Variants in MTCL2 observed in about 807,000 individuals in gnomAD.
MTCL2 encodes microtubule crosslinking factor 2, also known as microtubule cross-linking factor 2.
the MTCL2 span, among the ~76,000 whole-genome samples, chr20:36,790,181 C>T: frequency 6.6e-3 from 987 of 149,862 alleles, 11 homozygotes; most frequent in South Asian, 0.013. Context: ...TTAGTAGAGA[C>T]GGGGTTTCAC....
chr20:36,825,475 T>C, the MTCL2 span, among the ~76,000 whole-genome samples: 1 of 152,224 alleles, frequency 6.6e-6, no homozygotes, highest in African/African-American at 2.4e-5. Context: ...AACACTCGTA[T>C]TGGCTTTCTG....
chr20:36,839,132 C>T, the MTCL2 span: 333 of 1,319,722 alleles, frequency 2.5e-4, 1 homozygote, highest in Non-Finnish European at 3.2e-4. The surrounding 1 kb of genome is among the most constrained non-coding windows in gnomAD (Gnocchi z 5.1). Flanking sequence ...CATGGACACA[C>T]GGAAATGAGA....
chr20:36,857,074 G>A, the MTCL2 span, among the ~76,000 whole-genome samples: 1 of 152,232 alleles, frequency 6.6e-6, no homozygotes, highest in Non-Finnish European at 1.5e-5. Flanking sequence ...AGGTACCCGG[G>A]TGGTGAGCTT....
the MTCL2 span, among the ~76,000 whole-genome samples, chr20:36,814,607 C>A: frequency 6.6e-6 from 1 of 152,050 alleles, no homozygotes; most frequent in Admixed American, 6.6e-5. Flanking sequence ...AAAATTATGG[C>A]CAGGCACAGT....
At chr20:36,783,897 C>G in the MTCL2 span, 3 of 985,448 alleles carry the variant, frequency 3.0e-6, no homozygotes, top group Non-Finnish European at 3.6e-6. Flanking sequence ...GTAACATTTT[C>G]AACCCCATCC....
chr20:36,814,400 G>A, the MTCL2 span, among the ~76,000 whole-genome samples: 1 of 152,152 alleles, frequency 6.6e-6, no homozygotes, highest in African/African-American at 2.4e-5. Context: ...AAGCTGCAAG[G>A]ATGAAATATT....
chr20:36,817,587 G>T, the MTCL2 span: 2 of 905,904 alleles, frequency 2.2e-6, no homozygotes, highest in Non-Finnish European at 3.3e-6. Context: ...CAGTCCCCAG[G>T]CCACCCCACC....
the MTCL2 span, chr20:36,839,376 C>T: frequency 1.2e-6 from 2 of 1,613,400 alleles, no homozygotes; most frequent in African/African-American, 1.3e-5. This position sits in a 1 kb window ranked among gnomAD's most constrained non-coding sequence, Gnocchi z 5.1. Context: ...GCAGCTGATA[C>T]ACGTCCTCCT....
At chr20:36,827,687 G>A in the MTCL2 span, among the ~76,000 whole-genome samples, 4 of 152,252 alleles carry the variant, frequency 2.6e-5, no homozygotes, top group South Asian at 6.2e-4. Context: ...CTGAGACTTA[G>A]AGAGGGGAAG....
At chr20:36,859,513 C>G in the MTCL2 span, 3 of 1,043,660 alleles carry the variant, frequency 2.9e-6, no homozygotes, top group Middle Eastern at 3.5e-4. Context: ...CTATCTTTAT[C>G]CAAGCATGCA....
At chr20:36,797,370 C>A in the MTCL2 span, 2 of 875,812 alleles carry the variant, frequency 2.3e-6, no homozygotes. Context: ...GACTCCAGGG[C>A]TGAGGAGCCC....
At chr20:36,826,781 C>T in the MTCL2 span, among the ~76,000 whole-genome samples, 2 of 152,108 alleles carry the variant, frequency 1.3e-5, no homozygotes, top group African/African-American at 4.8e-5. Context: ...TACCCTCTGG[C>T]TATTGTGAGT....
chr20:36,802,897 C>G, the MTCL2 span: 6 of 1,574,798 alleles, frequency 3.8e-6, no homozygotes, highest in African/African-American at 6.8e-5. Flanking sequence ...TGCTGCTCCA[C>G]CTGCTGCTTC....
chr20:36,792,893 C>T, the MTCL2 span, among the ~76,000 whole-genome samples: 632 of 148,582 alleles, frequency 4.3e-3, 7 homozygotes, highest in African/African-American at 0.015. Context: ...GACAGACAGA[C>T]AGACAGATAG....
the MTCL2 span, chr20:36,817,428 G>A: frequency 7.0e-5 from 111 of 1,592,836 alleles, 1 homozygote; most frequent in East Asian, 3.8e-4. Flanking sequence ...TCTTCTTATC[G>A]GCCTTCCCCA....
the MTCL2 span, among the ~76,000 whole-genome samples, chr20:36,819,167 T>G: frequency 6.6e-6 from 1 of 152,240 alleles, no homozygotes; most frequent in African/African-American, 2.4e-5. Flanking sequence ...TACTGAAATT[T>G]CTCAATGTTT....
the MTCL2 span, among the ~76,000 whole-genome samples, chr20:36,846,980 A>G: frequency 6.6e-6 from 1 of 152,256 alleles, no homozygotes; most frequent in Non-Finnish European, 1.5e-5. Context: ...AATGCACTCC[A>G]GCCTGGGCGA....
the MTCL2 span, among the ~76,000 whole-genome samples, chr20:36,823,046 A>C: frequency 6.6e-6 from 1 of 152,368 alleles, no homozygotes; most frequent in South Asian, 2.1e-4. Flanking sequence ...GGCGTGAGCC[A>C]CTGTGCCCGG....
chr20:36,783,357 C>A, the MTCL2 span: 2 of 152,322 alleles, frequency 1.3e-5, no homozygotes, highest in East Asian at 3.9e-4. Context: ...ATGAAGTCAT[C>A]ATTCCAAAAG....
Sources: allele counts gnomAD v4.1 joint callset (sites outside exome capture counted in the v4.1 genomes callset), GRCh38; gene constraint gnomAD v4.1.1; non-coding constraint Gnocchi (gnomAD v3.1); transcripts MANE v1.5; gene names NCBI Gene and HGNC (gene_info 2026-07-23, HGNC 2026-07-21).